The following TMEM39B variants were observed in gnomAD, a reference collection of about 807,000 sequenced individuals.
TMEM39B encodes transmembrane protein 39B.
TMEM39B carries 23 observed loss-of-function variants against 52.2 expected under a neutral mutation model. The observed-to-expected ratio is 0.44, with a 90% CI of 0.32 to 0.62. The LOEUF (loss-of-function observed/expected upper bound fraction) is 0.62, where lower values mean the gene tolerates loss of function less well. Among genes scored for constraint, TMEM39B ranks in the 20% least tolerant of loss-of-function variants. The pLI, the probability that TMEM39B is intolerant of heterozygous loss-of-function variation, is 0.06. For missense variants in TMEM39B, 547 were observed against 642.0 expected, an observed-to-expected ratio of 0.85 and a Z score of 1.60; for synonymous variants, 285 against 264.0, an observed-to-expected ratio of 1.08 and a Z score of -0.77.
At chr1:32,096,126 A>G (rs1640797541) in intron 7 of TMEM39B, among the ~76,000 whole-genome samples, 1 of 152,080 alleles carries the variant, frequency 6.6e-6, no homozygotes, top group Non-Finnish European at 1.5e-5. Flanking sequence ...TCAGGTCCTC[A>G]TATGCTTTAT....
chr1:32,090,765 G>A (rs1640572230), intron 5 of TMEM39B, among the ~76,000 whole-genome samples: 1 of 151,864 alleles, frequency 6.6e-6, no homozygotes, highest in Non-Finnish European at 1.5e-5. Flanking sequence ...TCAGCCTCCC[G>A]AGTAGCTGGG....
intron 8 of TMEM39B, among the ~76,000 whole-genome samples, chr1:32,101,469 C>G (rs1275528942): frequency 6.6e-6 from 1 of 151,404 alleles, no homozygotes; most frequent in Non-Finnish European, 1.5e-5. Flanking sequence ...GGCCAAAATC[C>G]AATATATGGG....
chr1:32,083,409 CTTTTTTTTT>C (rs1052027069), intron 5 of TMEM39B, among the ~76,000 whole-genome samples: 35 of 54,616 alleles, frequency 6.4e-4, no homozygotes, highest in Admixed American at 2.0e-3. Flanking sequence ...TAAAGGACTT[CTTTTTTTTT>C]TTTTTTTTTT....
Position 32,075,737 on chromosome 1 carries a change from T to A in TMEM39B, c.266T>A (p.Leu89His). Residue 89 changes from leucine to histidine, a missense_variant, in exon 3 of 9, where the codon CTC becomes CAC. Leu to His is a moderately conservative substitution (Grantham distance 99). Coordinates refer to ENST00000336294, the MANE Select transcript of TMEM39B (RefSeq NM_018056.4). ...GAGTTGCAGCTCTTCTTCTGCCAGC[T>A]CATAGCACTCTTCGTCCACTACATC... ...LFELQLFFCQ[L>H]IALFVHYINI... is the part of the protein sequence containing the mutation. 1 of 1,551,656 alleles carries A rather than the reference T, an allele frequency of 6.4e-7. No individual in the cohort carries two copies. Among genetic ancestry groups the A allele is most frequent in the Non-Finnish European group, 8.7e-7 (1 of 1,146,972 alleles).
chr1:32,084,984 A>G (rs1338965742), intron 5 of TMEM39B, among the ~76,000 whole-genome samples: 2 of 152,122 alleles, frequency 1.3e-5, no homozygotes, highest in Non-Finnish European at 2.9e-5. Flanking sequence ...GTTTGATTCC[A>G]ATTCTTTTAT....
intron 6 of TMEM39B, among the ~76,000 whole-genome samples, chr1:32,092,493 T>C (rs1051042237): frequency 7.9e-5 from 12 of 151,772 alleles, no homozygotes; most frequent in Non-Finnish European, 1.6e-4. Flanking sequence ...TATTTTTTAT[T>C]TTACTTTATT....
chr1:32,079,297 G>A (rs913401628), intron 5 of TMEM39B, among the ~76,000 whole-genome samples: 1 of 150,578 alleles, frequency 6.6e-6, no homozygotes, highest in Admixed American at 6.7e-5. Context: ...CCATTCTCCT[G>A]CCTCAGCCTC....
At chr1:32,087,109 TAAAAA>T (rs745540537) in intron 5 of TMEM39B, 1 of 151,506 alleles carries the variant, frequency 6.6e-6, no homozygotes, top group South Asian at 2.1e-4. Flanking sequence ...CTGTCTTAAT[TAAAAA>T]AAAGAAAGTA....
chr1:32,076,849 G>T lies in TMEM39B; in HGVS notation c.435+3G>T. On this transcript the variant is annotated splice_donor_region_variant and intron_variant, in intron 4 of 8. Transcript: ENST00000336294. ...TCATTGGGTCCATCGTGAAGGAGGTGATTGGGTCCTAGAGGCTGGCCAGGG... is the reference window on the plus strand; with the variant it reads ...TCATTGGGTCCATCGTGAAGGAGGTTATTGGGTCCTAGAGGCTGGCCAGGG... 1 of 1,614,070 alleles carries T rather than the reference G, an allele frequency of 6.2e-7. No homozygotes were observed. Among genetic ancestry groups the T allele is most frequent in the East Asian group, 2.2e-5 (1 of 44,856 alleles).
chr1:32,081,682 A>G (rs1368541813), intron 5 of TMEM39B, among the ~76,000 whole-genome samples: 2 of 151,646 alleles, frequency 1.3e-5, no homozygotes, highest in Non-Finnish European at 2.9e-5. Flanking sequence ...TGGGAGGTGG[A>G]GGTTGCAGCG....
At chr1:32,082,830 A>G (rs1019648760) in intron 5 of TMEM39B, among the ~76,000 whole-genome samples, 5 of 151,382 alleles carry the variant, frequency 3.3e-5, no homozygotes, top group African/African-American at 9.7e-5. Flanking sequence ...GCTGTAGTGC[A>G]GTGGCACGAT....
chr1:32,083,249 A>G (rs1391014438), intron 5 of TMEM39B, among the ~76,000 whole-genome samples: 1 of 149,024 alleles, frequency 6.7e-6, no homozygotes, highest in Admixed American at 6.7e-5. Context: ...ATGCCCAGCT[A>G]ATTTTGTATT....
intron 5 of TMEM39B, among the ~76,000 whole-genome samples, chr1:32,083,752 C>T (rs1477589381): frequency 6.6e-6 from 1 of 152,174 alleles, no homozygotes; most frequent in East Asian, 1.9e-4. Flanking sequence ...ACCTGTACTC[C>T]CAGCTACTCA....
intron 5 of TMEM39B, among the ~76,000 whole-genome samples, chr1:32,091,125 G>A (rs1640586335): frequency 1.3e-5 from 2 of 152,058 alleles, no homozygotes; most frequent in African/African-American, 2.4e-5. Context: ...ATAATGATTT[G>A]TTGAGTAGGT....
At chr1:32,098,318 A>T (rs1440669393) in intron 7 of TMEM39B, among the ~76,000 whole-genome samples, 3 of 151,648 alleles carry the variant, frequency 2.0e-5, no homozygotes, top group Admixed American at 6.6e-5. Context: ...TTTTTTTTTT[A>T]AATGAGTGAG....
chr1:32,086,234 C>A (rs933605683), intron 5 of TMEM39B, among the ~76,000 whole-genome samples: 10 of 152,098 alleles, frequency 6.6e-5, no homozygotes, highest in Admixed American at 5.9e-4. Flanking sequence ...CATACCTGCT[C>A]CCCACTTCAT....
At chr1:32,101,253 A>C (rs2124507695) in intron 8 of TMEM39B, among the ~76,000 whole-genome samples, 1 of 152,240 alleles carries the variant, frequency 6.6e-6, no homozygotes, top group Admixed American at 6.5e-5. Context: ...TGCTAGGGTT[A>C]TCTCTGTTTT....
chr1:32,098,913 T>A (rs1640914557), intron 7 of TMEM39B, among the ~76,000 whole-genome samples: 1 of 152,010 alleles, frequency 6.6e-6, no homozygotes, highest in Non-Finnish European at 1.5e-5. Context: ...TGACCAGCAT[T>A]GGGGAATGTG....
At chr1:32,095,063 G>A in intron 7 of TMEM39B, 92 bp downstream of exon 7, 1 of 1,423,162 alleles carries the variant, frequency 7.0e-7, no homozygotes, top group Non-Finnish European at 9.6e-7. Context: ...TATTTAGTTA[G>A]CAAATAGTTA....
Sources: allele counts gnomAD v4.1 joint callset (sites outside exome capture counted in the v4.1 genomes callset), GRCh38; gene constraint gnomAD v4.1.1; transcripts MANE v1.5; gene names NCBI Gene and HGNC (gene_info 2026-07-23, HGNC 2026-07-21).